SHROOM2: variants seen among roughly 807,000 people sequenced by gnomAD.
SHROOM2 encodes shroom family member 2, also known as protein Shroom2.
In SHROOM2, 33 loss-of-function variants were observed where a neutral mutation model predicts 75.9. The ratio of observed to expected loss-of-function variants is 0.43; its 90% CI spans 0.33 to 0.58. The LOEUF (loss-of-function observed/expected upper bound fraction) is 0.58, where lower values mean the gene tolerates loss of function less well. SHROOM2 is among the 20% of genes least tolerant of loss of function. The probability of loss-of-function intolerance (pLI) is 0.04; values close to 1 mark genes in which losing one functional copy is unlikely to be tolerated. For synonymous variants in SHROOM2, 655 were observed against 663.6 expected, an observed-to-expected ratio of 0.99 and a Z score of 0.20; for missense variants, 1,434 against 1,461.2, an observed-to-expected ratio of 0.98 and a Z score of 0.30.
chrX:9,886,859 C>T (rs2084263977), intron 2 of SHROOM2, among the ~76,000 whole-genome samples: 1 of 112,330 alleles, frequency 8.9e-6, no homozygotes, highest in Non-Finnish European at 1.9e-5. Flanking sequence ...GAACAGTATA[C>T]GTTTTGACTA....
At chrX:9,941,799 G>A (rs746042820) in intron 8 of SHROOM2, among the ~76,000 whole-genome samples, 8 of 108,225 alleles carry the variant, frequency 7.4e-5, no homozygotes, top group South Asian at 4.0e-4. Flanking sequence ...GTGAAACCCC[G>A]TCTCTACTAA....
At chrX:9,908,511 A>G (rs2084403470) in intron 5 of SHROOM2, among the ~76,000 whole-genome samples, 1 of 112,315 alleles carries the variant, frequency 8.9e-6, no homozygotes, top group African/African-American at 3.2e-5. Flanking sequence ...GTATTATACT[A>G]TACAATCTAC....
At chrX:9,904,641 C>G (rs1238006567) in intron 5 of SHROOM2, among the ~76,000 whole-genome samples, 1 of 112,555 alleles carries the variant, frequency 8.9e-6, no homozygotes, top group East Asian at 2.8e-4. Context: ...TGGCTGCGTT[C>G]TTCAAAGCTC....
At chrX:9,872,588 A>G (rs1462519825) in intron 1 of SHROOM2, among the ~76,000 whole-genome samples, 1 of 111,942 alleles carries the variant, frequency 8.9e-6, no homozygotes, top group Admixed American at 9.5e-5. Context: ...AGGGAAAAAA[A>G]GCTGTAGAAT....
chrX:9,820,768 A>G (rs1030326924), intron 1 of SHROOM2, among the ~76,000 whole-genome samples: 1 of 112,349 alleles, frequency 8.9e-6, no homozygotes, highest in Admixed American at 9.5e-5. Context: ...GACAATAGAC[A>G]TGGTCAGGAT....
rs767849094 is a variant in SHROOM2 at position 9,895,341 on chromosome X, G to A, written c.1433G>A (p.Arg478Gln). 5.1e-6 allele frequency: 6 copies of A among 1,176,287 alleles called. No homozygotes were observed. Among genetic ancestry groups the A allele is most frequent in the Admixed American group, 4.8e-5 (2 of 41,711 alleles). The stretch of plus-strand genomic sequence containing the variant: ...CTGGGGAGCGGCTGGCAGGGTCCCC[G>A]GCCCTGTGTGCAGGGAGACCTGCAA... ...QKLGSGWQGP[R>Q]PCVQGDLQAA... The change falls in exon 4 of 10, where the codon CGG becomes CAG. Residue 478 changes from arginine to glutamine, a missense_variant. This residue lies in a region of SHROOM2 where 1,340 missense variants were observed against 1,338.3 expected (regional missense o/e 1.00). Transcript: ENST00000380913.
At chrX:9,890,437 G>A (rs1415763914) in intron 2 of SHROOM2, among the ~76,000 whole-genome samples, 1 of 113,493 alleles carries the variant, frequency 8.8e-6, no homozygotes, top group Non-Finnish European at 1.9e-5. Context: ...CTGCGTTAGG[G>A]CAAATGGGTG....
chrX:9,833,636 GTGTGTGTGTGCA>G (rs2083927931), intron 1 of SHROOM2, among the ~76,000 whole-genome samples: 2 of 107,729 alleles, frequency 1.9e-5, no homozygotes, highest in African/African-American at 6.9e-5. Flanking sequence ...GTGTGTGTGT[GTGTGTGTGTGCA>G]TGCACGTGCA....
At chrX:9,803,764 C>T (rs775177782) in intron 1 of SHROOM2, among the ~76,000 whole-genome samples, 1 of 111,478 alleles carries the variant, frequency 9.0e-6, no homozygotes, top group African/African-American at 3.3e-5. Flanking sequence ...AGACCACCTC[C>T]GGACACAGAA....
At chrX:9,912,107 AAC>A (rs61080253) in intron 5 of SHROOM2, among the ~76,000 whole-genome samples, 3,887 of 26,381 alleles carry the variant, frequency 0.15, 313 homozygotes, top group East Asian at 0.27. Flanking sequence ...CCTTTCTCCA[AAC>A]ACACACACAC....
At chrX:9,897,251 G>A (rs895264781) in intron 4 of SHROOM2, among the ~76,000 whole-genome samples, 4 of 111,748 alleles carry the variant, frequency 3.6e-5, no homozygotes, top group African/African-American at 1.3e-4. Flanking sequence ...AGTTTTGATG[G>A]TGAGAGTTAA....
At chrX:9,925,262 A>C (rs958345185) in intron 5 of SHROOM2, among the ~76,000 whole-genome samples, 3 of 111,996 alleles carry the variant, frequency 2.7e-5, no homozygotes, top group African/African-American at 9.8e-5. Flanking sequence ...CTTGTGCTCA[A>C]AATGACATGG....
chrX:9,847,095 G>C (rs1485740992), intron 1 of SHROOM2, among the ~76,000 whole-genome samples: 1 of 112,330 alleles, frequency 8.9e-6, no homozygotes, highest in Non-Finnish European at 1.9e-5. Flanking sequence ...TTCCGTGCTT[G>C]TCTTGGTGTT....
chrX:9,915,518 C>T (rs1451848102), intron 5 of SHROOM2, among the ~76,000 whole-genome samples: 2 of 111,947 alleles, frequency 1.8e-5, no homozygotes, highest in Non-Finnish European at 3.8e-5. Context: ...AAGCCACTCA[C>T]TGCCAAGGTG....
chrX:9,822,604 C>A (rs189659458), intron 1 of SHROOM2, among the ~76,000 whole-genome samples: 8 of 112,800 alleles, frequency 7.1e-5, no homozygotes, highest in Non-Finnish European at 1.5e-4. Flanking sequence ...GCCTCTCCCT[C>A]CCTCCATCCC....
intron 5 of SHROOM2, among the ~76,000 whole-genome samples, chrX:9,916,467 C>T (rs1380112827): frequency 1.8e-5 from 2 of 111,758 alleles, no homozygotes; most frequent in African/African-American, 3.3e-5. Context: ...TGATTTCCTT[C>T]GGATAAAATT....
In SHROOM2 at chrX:9,940,520, T is replaced by G. The variant is rs753170775; in HGVS notation, c.4311+1154T>G. On this transcript the variant is annotated intron_variant, in intron 8 of 9. Coordinates refer to ENST00000380913, the MANE Select transcript of SHROOM2 (RefSeq NM_001649.4). ...TGTGGGCTGGAAGTTGGCCTCACTTTAGTTCAGCAAGTGTGAGTTGGGCAC... is the reference window on the plus strand; with the variant it reads ...TGTGGGCTGGAAGTTGGCCTCACTTGAGTTCAGCAAGTGTGAGTTGGGCAC... Among the ~76,000 whole-genome samples, 35 of 111,892 alleles carry G rather than the reference T, an allele frequency of 3.1e-4. No homozygotes were observed. In the South Asian group the frequency reaches 0.013, roughly 42 times the overall value.
chrX:9,794,370 C>CTTCTT (rs1213895953), intron 1 of SHROOM2, among the ~76,000 whole-genome samples: 2 of 103,733 alleles, frequency 1.9e-5, no homozygotes, highest in South Asian at 8.2e-4. Context: ...CTTCTCTTCT[C>CTTCTT]TTCTTTTCTT....
intron 1 of SHROOM2, among the ~76,000 whole-genome samples, chrX:9,798,747 G>A (rs1283391485): frequency 8.9e-6 from 1 of 112,084 alleles, no homozygotes; most frequent in African/African-American, 3.2e-5. Context: ...TCTGGAAAAC[G>A]GAGTGTACTT....
Sources: gnomAD v4.1 joint callset for allele counts (sites outside exome capture counted in the v4.1 genomes callset) on GRCh38, gnomAD v4.1.1 for gene constraint, gnomAD v4.1.1 regional missense constraint, MANE v1.5 for transcripts, NCBI Gene and HGNC (gene_info 2026-07-23, HGNC 2026-07-21) for gene names.